The following TAFA2 variants were observed in gnomAD, a reference collection of about 807,000 sequenced individuals.
TAFA2 encodes chemokine-like protein TAFA-2.
TAFA2 carries 7 observed loss-of-function variants against 18.8 expected under a neutral mutation model. That is an observed-to-expected ratio of 0.37 (90% confidence interval 0.21 to 0.70). The LOEUF is 0.70. Ranked by LOEUF, TAFA2 falls within the 30% of genes least tolerant of loss-of-function variation. TAFA2 has a pLI of 0.53. For missense variants in TAFA2, 122 were observed against 158.1 expected (o/e 0.77, Z 1.23); for synonymous variants, 60 against 54.2 (o/e 1.11, Z -0.47).
intron 1 of TAFA2, among the ~76,000 whole-genome samples, chr12:62,064,724 T>C (rs1882441918): frequency 6.6e-6 from 1 of 152,104 alleles, no homozygotes; most frequent in South Asian, 2.1e-4. Context: ...TTGCATTCCC[T>C]CATAAGTGCT....
At chr12:62,253,705 G>C (rs1050878893) in intron 1 of TAFA2, 1 of 152,168 alleles carries the variant, frequency 6.6e-6, no homozygotes, top group African/African-American at 2.4e-5. Flanking sequence ...CATATGATTA[G>C]ATTGGACCCA....
At chr12:62,075,213 A>C (rs944515126) in intron 1 of TAFA2, among the ~76,000 whole-genome samples, 7 of 152,238 alleles carry the variant, frequency 4.6e-5, no homozygotes, top group African/African-American at 1.7e-4. Context: ...TTTAATATGT[A>C]AATAATTTAA....
chr12:61,862,036 C>T (rs1249700413), intron 2 of TAFA2, among the ~76,000 whole-genome samples: 1 of 152,092 alleles, frequency 6.6e-6, no homozygotes, highest in African/African-American at 2.4e-5. Context: ...AATTCTTTTC[C>T]AAACCCCAAA....
intron 2 of TAFA2, among the ~76,000 whole-genome samples, chr12:61,758,118 T>A (rs1869362813): frequency 6.6e-6 from 1 of 152,046 alleles, no homozygotes. Context: ...GCTGTTAACA[T>A]TTGATCTTGG....
intron 2 of TAFA2, among the ~76,000 whole-genome samples, chr12:61,840,323 G>A (rs1222127992): frequency 1.3e-5 from 2 of 151,976 alleles, no homozygotes; most frequent in Non-Finnish European, 2.9e-5. Context: ...TATTTATATC[G>A]AGAGTGTGAT....
At chr12:62,105,068 T>A (rs1869388513) in intron 1 of TAFA2, 1 of 187,528 alleles carries the variant, frequency 5.3e-6, no homozygotes, top group Admixed American at 5.5e-5. Flanking sequence ...TTGTTTTGTT[T>A]TGTTTTCTAC....
At chr12:62,147,905 T>A (rs993663575) in intron 1 of TAFA2, among the ~76,000 whole-genome samples, 1 of 151,984 alleles carries the variant, frequency 6.6e-6, no homozygotes, top group African/African-American at 2.4e-5. Flanking sequence ...GCAAAGGACA[T>A]GAGCAGAAAC....
At chr12:62,146,596 C>T (rs2062283344) in intron 1 of TAFA2, among the ~76,000 whole-genome samples, 1 of 152,106 alleles carries the variant, frequency 6.6e-6, no homozygotes, top group African/African-American at 2.4e-5. Flanking sequence ...TTGTATGGCT[C>T]CCTATAACGA....
intron 2 of TAFA2, among the ~76,000 whole-genome samples, chr12:61,816,830 T>G (rs1872105523): frequency 6.6e-6 from 1 of 151,282 alleles, no homozygotes; most frequent in Non-Finnish European, 1.5e-5. Context: ...ATTGCTGGAT[T>G]TATTGTCCTT....
chr12:61,799,471 T>C (rs574766541), intron 2 of TAFA2, among the ~76,000 whole-genome samples: 1 of 152,124 alleles, frequency 6.6e-6, no homozygotes, highest in Non-Finnish European at 1.5e-5. Context: ...AAGACTACTA[T>C]CGAAGTCTCA....
chr12:61,893,735 G>C (rs1224109714), intron 1 of TAFA2, among the ~76,000 whole-genome samples: 1 of 152,040 alleles, frequency 6.6e-6, no homozygotes, highest in Non-Finnish European at 1.5e-5. Context: ...CTATGTTTTA[G>C]TTTGTGCAAA....
At chr12:61,993,576 T>G (rs1035742209) in intron 1 of TAFA2, among the ~76,000 whole-genome samples, 1 of 152,054 alleles carries the variant, frequency 6.6e-6, no homozygotes, top group Non-Finnish European at 1.5e-5. Flanking sequence ...AGCTACAAAC[T>G]TTAGTGTTGC....
intron 1 of TAFA2, among the ~76,000 whole-genome samples, chr12:62,209,684 G>C (rs559292391): frequency 6.6e-6 from 1 of 152,286 alleles, no homozygotes; most frequent in Admixed American, 6.5e-5. Flanking sequence ...GAGGAGAAGG[G>C]GAGTGAGAGC....
At chr12:61,770,271 T>C (rs1406526228) in intron 2 of TAFA2, among the ~76,000 whole-genome samples, 2 of 152,108 alleles carry the variant, frequency 1.3e-5, no homozygotes, top group African/African-American at 4.8e-5. Context: ...TAATTCATGT[T>C]CCCAAGGAAG....
At chr12:62,048,006 C>A (rs1281889359) in intron 1 of TAFA2, among the ~76,000 whole-genome samples, 1 of 152,148 alleles carries the variant, frequency 6.6e-6, no homozygotes, top group Non-Finnish European at 1.5e-5. Flanking sequence ...TGAAGCAAAT[C>A]TTTTCAAATA....
At chr12:61,906,503 T>C (rs183725298) in intron 1 of TAFA2, among the ~76,000 whole-genome samples, 1 of 152,330 alleles carries the variant, frequency 6.6e-6, no homozygotes, top group Non-Finnish European at 1.5e-5. Flanking sequence ...AAACTTCCTT[T>C]CCTTTATAAA....
intron 2 of TAFA2, among the ~76,000 whole-genome samples, chr12:61,846,997 C>T (rs944038759): frequency 6.6e-6 from 1 of 152,136 alleles, no homozygotes; most frequent in East Asian, 1.9e-4. Context: ...CCTCATTCTT[C>T]TCTTAGCTGC....
intron 1 of TAFA2, among the ~76,000 whole-genome samples, chr12:62,012,472 A>G (rs1880804174): frequency 6.6e-6 from 1 of 151,882 alleles, no homozygotes; most frequent in African/African-American, 2.4e-5. Flanking sequence ...TTGTGAAGGT[A>G]CAAAGGTGCA....
chr12:62,208,809 T>C (rs2062702303), intron 1 of TAFA2, among the ~76,000 whole-genome samples: 1 of 152,318 alleles, frequency 6.6e-6, no homozygotes, highest in South Asian at 2.1e-4. Context: ...TTATTGACTG[T>C]CTTGAGCCAT....
Sources: allele counts gnomAD v4.1 joint callset (sites outside exome capture counted in the v4.1 genomes callset), GRCh38; gene constraint gnomAD v4.1.1; transcripts MANE v1.5; gene names NCBI Gene and HGNC (gene_info 2026-07-23, HGNC 2026-07-21).